Variants in TMTC1 observed in about 807,000 individuals in gnomAD.
TMTC1 encodes the protein transmembrane O-mannosyltransferase targeting cadherins 1.
Under a neutral mutation model 104.8 loss-of-function variants are expected in TMTC1, and 73 were observed. That is an observed-to-expected ratio of 0.70 (90% CI 0.58 to 0.85). The LOEUF is 0.85. TMTC1 is among the 40% of genes least tolerant of loss of function. The pLI is 0.00. For synonymous variants in TMTC1, 434 were observed against 428.7 expected (o/e 1.01, Z -0.15); for missense variants, 1,035 against 1,096.1 (o/e 0.94, Z 0.79).
At chr12:29,758,597 C>T in intron 3 of TMTC1, 107 bp downstream of exon 3, 1 of 1,120,052 alleles carries the variant, frequency 8.9e-7, no homozygotes, top group Non-Finnish European at 1.3e-6. Context: ...GGAAATCTTG[C>T]TTAGCATTTC....
rs1340749742 is a variant in TMTC1 at position 29,604,906 on chromosome 12, A to T, written c.1129-607T>A. ...ACTCCATTGATTTTTTGAATAAAAA[A>T]TCGTTATAATAATTCATTAAATTGA... On this transcript the variant is annotated intron_variant, in intron 6 of 17. Coordinates refer to ENST00000539277, the MANE Select transcript of TMTC1 (RefSeq NM_001193451.2). 2.0e-5 allele frequency among the ~76,000 whole-genome samples: 3 copies of T among 152,208 alleles called. No homozygotes were observed. The East Asian group carries it at 5.8e-4, about 29-fold the overall frequency.
chr12:29,709,527 C>T (rs1458441202), intron 5 of TMTC1, among the ~76,000 whole-genome samples: 4 of 151,970 alleles, frequency 2.6e-5, no homozygotes, highest in Non-Finnish European at 5.9e-5. Context: ...CCATGTTCCA[C>T]TTTTAAAATA....
At chr12:29,640,277 C>T (rs928450920) in intron 5 of TMTC1, among the ~76,000 whole-genome samples, 38 of 152,122 alleles carry the variant, frequency 2.5e-4, no homozygotes, top group Admixed American at 2.4e-3. Flanking sequence ...CCAGAAGAGA[C>T]GTATGGTGAG....
chr12:29,536,423 T>G (rs763649368), intron 10 of TMTC1, 106 bp from the exon 11 acceptor site: 56 of 727,384 alleles, frequency 7.7e-5, no homozygotes, highest in Non-Finnish European at 7.5e-5. Flanking sequence ...AAAGGTTAGC[T>G]GATTCACTCT....
chr12:29,503,766 C>T lies in TMTC1; in HGVS notation c.*3080G>A, dbSNP rs1943643075. The T allele has an allele frequency of 6.6e-6, 1 of 152,118 alleles. No homozygotes were observed. Among genetic ancestry groups the T allele is most frequent in the African/African-American group, 2.4e-5 (1 of 41,400 alleles). The allele number at this position is 152,118 out of a possible 1,614,324, so 9.4% of individuals were successfully genotyped here. A position where few individuals can be genotyped will look rare whatever the true frequency, so the allele number is the denominator to read the frequency against. On this transcript the variant is annotated 3_prime_UTR_variant, in exon 18 of 18. Transcript: ENST00000539277. ...ACCCAGTGCAAAATGAAAGTGTGGA[C>T]CTCTTGCTCAAAAATTATTAATTAT...
intron 2 of TMTC1, among the ~76,000 whole-genome samples, chr12:29,765,071 G>A (rs1198863328): frequency 6.6e-6 from 1 of 152,012 alleles, no homozygotes; most frequent in Non-Finnish European, 1.5e-5. Flanking sequence ...TGCTGTCTAT[G>A]GTTTTATAGT....
In TMTC1 at chr12:29,506,604, G is replaced by C. The variant is rs550454425; in HGVS notation, c.*242C>G. The C allele has an allele frequency of 6.1e-6, 3 of 488,808 alleles. No homozygotes were observed. The highest frequency in any genetic ancestry group is 1.1e-5 in the Non-Finnish European group (3 of 271,538). 30.3% of individuals were successfully genotyped at this position (488,808 alleles called of 1,614,324 possible). The stretch of plus-strand genomic sequence containing the variant: ...AACCAAACAAAAATCTGTAAAATGT[G>C]TAAATGTCATTCTCCTTCCCTCTCA... On this transcript the variant is annotated 3_prime_UTR_variant, in exon 18 of 18. Transcript: ENST00000539277.
chr12:29,592,968 C>T (rs903388512), intron 7 of TMTC1, among the ~76,000 whole-genome samples: 1 of 152,164 alleles, frequency 6.6e-6, no homozygotes, highest in African/African-American at 2.4e-5. Context: ...GCCCAGAGGA[C>T]TCTATTAGGT....
rs771180850 is a variant in TMTC1, at chr12:29,517,570, C to T, written c.2026G>A (p.Ala676Thr). 12 of 1,613,926 alleles carry T rather than the reference C, an allele frequency of 7.4e-6. No individual in the cohort carries two copies. The highest frequency in any genetic ancestry group is 4.5e-5 in the East Asian group (2 of 44,890). ...TCAGCTTTGTGTGCCACCTGCAGGG[C>T]GCTGAGTTTGGAGAAAATCTAAATG... ...NSMAEEWYKR[A>T]LQVAHKAEIL... is the part of the protein sequence containing the mutation. Residue 676 changes from alanine (A) to threonine (T), a missense_variant and splice_region_variant, in exon 14 of 18, where the codon GCC (alanine) becomes ACC (threonine). By Grantham distance (58) the Ala-to-Thr change is moderately conservative. Coordinates refer to ENST00000539277, the MANE Select transcript of TMTC1 (RefSeq NM_001193451.2).
chr12:29,566,483 C>T (rs1367887228), intron 9 of TMTC1, among the ~76,000 whole-genome samples: 2 of 152,140 alleles, frequency 1.3e-5, no homozygotes, highest in Non-Finnish European at 2.9e-5. Flanking sequence ...GTCTTGAACT[C>T]CTGACCTCAT....
intron 5 of TMTC1, among the ~76,000 whole-genome samples, chr12:29,709,817 T>C (rs1941849174): frequency 6.6e-6 from 1 of 152,218 alleles, no homozygotes; most frequent in Non-Finnish European, 1.5e-5. Context: ...TAATAATTCG[T>C]CTTACTCTTT....
chr12:29,561,268 A>C (rs1945370156), intron 9 of TMTC1, among the ~76,000 whole-genome samples: 1 of 151,700 alleles, frequency 6.6e-6, no homozygotes, highest in South Asian at 2.1e-4. Context: ...ATCTGTTTTT[A>C]AACTTCATTC....
At chr12:29,672,906 A>G (rs1170063518) in intron 5 of TMTC1, among the ~76,000 whole-genome samples, 1 of 152,110 alleles carries the variant, frequency 6.6e-6, no homozygotes, top group African/African-American at 2.4e-5. Context: ...GAAAAAGAAA[A>G]CTTTTCCTGG....
chr12:29,586,125 T>C (rs1479135478), intron 7 of TMTC1, among the ~76,000 whole-genome samples: 3 of 152,196 alleles, frequency 2.0e-5, no homozygotes, highest in Non-Finnish European at 4.4e-5. Flanking sequence ...TGAGCAGTGG[T>C]TTGTAGTTCT....
intron 6 of TMTC1, among the ~76,000 whole-genome samples, chr12:29,616,421 C>A (rs1946979095): frequency 6.6e-6 from 1 of 152,084 alleles, no homozygotes; most frequent in African/African-American, 2.4e-5. Flanking sequence ...CCTGTAATCC[C>A]AGCACTTTGG....
intron 4 of TMTC1, among the ~76,000 whole-genome samples, chr12:29,755,267 T>G (rs1314143165): frequency 6.6e-6 from 1 of 152,174 alleles, no homozygotes; most frequent in African/African-American, 2.4e-5. Flanking sequence ...CCTAAAACTC[T>G]TAGGTAACAG....
intron 5 of TMTC1, among the ~76,000 whole-genome samples, chr12:29,643,002 C>G (rs1042397608): frequency 6.6e-6 from 1 of 151,376 alleles, no homozygotes; most frequent in Non-Finnish European, 1.5e-5. Context: ...ATAGATAATT[C>G]TCAAAAGAAG....
At chr12:29,517,883 T>A (rs1944036571) in intron 13 of TMTC1, among the ~76,000 whole-genome samples, 2 of 152,030 alleles carry the variant, frequency 1.3e-5, no homozygotes, top group Non-Finnish European at 1.5e-5. Flanking sequence ...CCCGGCTAAT[T>A]TTTGTACTTT....
At chr12:29,650,951 T>A (rs1452906576) in intron 5 of TMTC1, among the ~76,000 whole-genome samples, 1 of 152,218 alleles carries the variant, frequency 6.6e-6, no homozygotes, top group Admixed American at 6.5e-5. Context: ...TTCTTGTTGT[T>A]GTTTCAAAAG....
Sources: gnomAD v4.1 joint callset for allele counts (sites outside exome capture counted in the v4.1 genomes callset) on GRCh38, gnomAD v4.1.1 for gene constraint, MANE v1.5 for transcripts, NCBI Gene and HGNC (gene_info 2026-07-23, HGNC 2026-07-21) for gene names.